TTC22: variants seen among roughly 807,000 people sequenced by gnomAD.
TTC22 encodes tetratricopeptide repeat domain 22, also known as tetratricopeptide repeat protein 22.
Under a neutral mutation model 48.2 loss-of-function variants are expected in TTC22, and 42 were observed. That is an observed-to-expected ratio of 0.87 (90% confidence interval 0.68 to 1.13). The LOEUF is 1.13. TTC22 is among the 50% of genes most tolerant of loss of function. The pLI is 0.00. For missense variants in TTC22, 784 were observed against 807.0 expected, an observed-to-expected ratio of 0.97 and a Z score of 0.34; for synonymous variants, 345 against 365.5, an observed-to-expected ratio of 0.94 and a Z score of 0.64.
Position 54,800,650 on chromosome 1 carries a change from C to CTCTGGGCTCCTCTGGG in TTC22, c.513_514insCCCAGAGGAGCCCAGA (p.Gly172ProfsTer53). The CTCTGGGCTCCTCTGGG allele has an allele frequency of 6.4e-7, 1 of 1,555,358 alleles. No homozygotes were observed. The highest frequency in any genetic ancestry group is 1.2e-5 in the South Asian group (1 of 85,558). On this transcript the variant is annotated frameshift_variant, in exon 1 of 7. Transcript: ENST00000371276. LOFTEE classifies it high-confidence loss of function. ...TAGAGCGCGATGCCTGCCGCCAGCC[C>CTCTGGGCTCCTCTGGG]CCGCGCACGCTCCTCTGGGCTGGCG...
At chr1:54,800,497 G>T in intron 1 of TTC22, 100 bp downstream of exon 1, 1 of 1,094,596 alleles carries the variant, frequency 9.1e-7, no homozygotes, top group South Asian at 1.8e-5. Context: ...GACCATGGTT[G>T]AGAGAGAGTC....
chr1:54,795,179 T>G (rs1646381229), intron 1 of TTC22, among the ~76,000 whole-genome samples: 2 of 152,254 alleles, frequency 1.3e-5, no homozygotes, highest in Admixed American at 6.5e-5. Flanking sequence ...CTAGGGGTCC[T>G]GGAGAGCCCA....
chr1:54,798,255 G>A (rs897660996), intron 1 of TTC22, among the ~76,000 whole-genome samples: 11 of 152,324 alleles, frequency 7.2e-5, no homozygotes, highest in African/African-American at 1.9e-4. Context: ...CCCGTGCTCT[G>A]CAGGCCCCAC....
intron 1 of TTC22, among the ~76,000 whole-genome samples, chr1:54,798,221 C>T (rs1006131126): frequency 6.6e-6 from 1 of 152,224 alleles, no homozygotes; most frequent in Non-Finnish European, 1.5e-5. Flanking sequence ...CATTCCTTGC[C>T]CCAGTTCAGC....
intron 1 of TTC22, among the ~76,000 whole-genome samples, chr1:54,790,842 C>T (rs965676650): frequency 4.0e-5 from 6 of 150,354 alleles, no homozygotes; most frequent in East Asian, 1.9e-4. Context: ...TCTTCTTCTC[C>T]GTCCTCCTCC....
intron 3 of TTC22, 176 bp downstream of exon 3, chr1:54,787,535 T>G: frequency 1.6e-6 from 1 of 619,060 alleles, no homozygotes; most frequent in Non-Finnish European, 2.9e-6. Context: ...AGTTGGCATG[T>G]TCACTTGGGC....
intron 1 of TTC22, among the ~76,000 whole-genome samples, chr1:54,796,110 T>C (rs1189425395): frequency 6.6e-6 from 1 of 152,282 alleles, no homozygotes; most frequent in Non-Finnish European, 1.5e-5. Context: ...TCCAGCTTCA[T>C]CTACCTCCTC....
intron 1 of TTC22, among the ~76,000 whole-genome samples, chr1:54,793,567 G>T (rs1201243201): frequency 6.6e-6 from 1 of 152,170 alleles, no homozygotes; most frequent in Non-Finnish European, 1.5e-5. Flanking sequence ...ACAGCCTCAT[G>T]GAATGTAAAT....
chr1:54,781,981 G>A (rs990329376), intron 6 of TTC22, among the ~76,000 whole-genome samples: 4 of 152,198 alleles, frequency 2.6e-5, no homozygotes, highest in Non-Finnish European at 4.4e-5. Context: ...TTCACACCTA[G>A]CTATATAACC....
At chr1:54,792,887 G>C (rs904473847) in intron 1 of TTC22, 5 of 152,130 alleles carry the variant, frequency 3.3e-5, no homozygotes, top group Non-Finnish European at 7.4e-5. Context: ...GAGAAGGGAG[G>C]GGGTATTCCC....
At chr1:54,784,741 T>G in intron 5 of TTC22, 1 of 1,284,392 alleles carries the variant, frequency 7.8e-7, no homozygotes, top group Non-Finnish European at 1.0e-6. Context: ...GTCATGTGGA[T>G]AGTAGTGGAG....
intron 3 of TTC22, 155 bp from the exon 4 acceptor site, chr1:54,787,230 G>A (rs1646311310): frequency 1.8e-6 from 1 of 548,596 alleles, no homozygotes; most frequent in Non-Finnish European, 3.2e-6. Context: ...AAGCAAAGGT[G>A]GAGAGAGGGG....
intron 1 of TTC22, among the ~76,000 whole-genome samples, chr1:54,788,729 G>A (rs1023252160): frequency 9.9e-5 from 15 of 152,162 alleles, no homozygotes; most frequent in Middle Eastern, 3.4e-3. Flanking sequence ...TTCATCTCCC[G>A]TCCCTGATCT....
intron 5 of TTC22, 48 bp from the exon 6 acceptor site, chr1:54,782,525 C>T: frequency 6.7e-7 from 1 of 1,491,094 alleles, no homozygotes; most frequent in Non-Finnish European, 9.0e-7. Flanking sequence ...GCAAGGGCCT[C>T]TGCCTTCCTC....
At chr1:54,788,690 TC>T (rs1321329689) in intron 1 of TTC22, among the ~76,000 whole-genome samples, 1 of 152,154 alleles carries the variant, frequency 6.6e-6, no homozygotes, top group Non-Finnish European at 1.5e-5. Flanking sequence ...TCAGCAGCTC[TC>T]CCTCAGGCTC....
At chr1:54,787,910 TG>T in intron 2 of TTC22, 84 bp from the exon 3 acceptor site, 4 of 1,464,712 alleles carry the variant, frequency 2.7e-6, no homozygotes, top group Non-Finnish European at 3.8e-6. Context: ...CCTGTGGTGG[TG>T]GGGGGTGGCG....
Position 54,801,031 on chromosome 1 carries a change from C to T in TTC22, c.133G>A (p.Asp45Asn), listed in dbSNP as rs770429272. 1 of 1,611,610 alleles carries T rather than the reference C, an allele frequency of 6.2e-7. No homozygotes were observed. Among genetic ancestry groups the T allele is most frequent in the South Asian group, 1.1e-5 (1 of 91,004 alleles). Reference protein sequence around the residue: ...PRSPAPQRARDLKLQREGLRQ... With the variant: ...PRSPAPQRARNLKLQREGLRQ... The stretch of plus-strand genomic sequence containing the variant: ...AGACCCTCCCGCTGCAGCTTCAGGT[C>T]CCGGGCGCGCTGTGGGGCCGGCGAG... Residue 45 changes from aspartate (D) to asparagine (N), a missense_variant, in exon 1 of 7, where the codon GAC becomes AAC. Asp to Asn is a conservative substitution (Grantham distance 23). Coordinates refer to ENST00000371276, the MANE Select transcript of TTC22 (RefSeq NM_001114108.2).
At chr1:54,788,668 C>T (rs1193298788) in intron 1 of TTC22, among the ~76,000 whole-genome samples, 1 of 152,160 alleles carries the variant, frequency 6.6e-6, no homozygotes, top group Non-Finnish European at 1.5e-5. Context: ...CAGTAAAACC[C>T]CCCAGTGCAT....
At chr1:54,785,801 G>A (rs1646295684) in intron 5 of TTC22, among the ~76,000 whole-genome samples, 182 bp downstream of exon 5, 1 of 152,208 alleles carries the variant, frequency 6.6e-6, no homozygotes, top group African/African-American at 2.4e-5. Context: ...GACAGAGCGA[G>A]ACACTGTCTC....
Sources: gnomAD v4.1 joint callset for allele counts (sites outside exome capture counted in the v4.1 genomes callset) on GRCh38, gnomAD v4.1.1 for gene constraint, MANE v1.5 for transcripts, NCBI Gene and HGNC (gene_info 2026-07-23, HGNC 2026-07-21) for gene names.